Variants in ITK observed in about 807,000 individuals in gnomAD.
ITK encodes the protein IL2 inducible T cell kinase.
A neutral mutation model predicts 87.6 loss-of-function variants in ITK; 45 were observed. The observed-to-expected ratio is 0.51, with a 90% CI of 0.40 to 0.66. The LOEUF (loss-of-function observed/expected upper bound fraction) is 0.66. Among genes scored for constraint, ITK ranks in the 30% least tolerant of loss-of-function variants. The probability of loss-of-function intolerance (pLI) is 0.00; values close to 1 mark genes in which losing one functional copy is unlikely to be tolerated. For missense variants in ITK, 605 were observed against 766.3 expected (o/e 0.79, Z 2.48); for synonymous variants, 303 against 273.6 (o/e 1.11, Z -1.06).
intron 1 of ITK, among the ~76,000 whole-genome samples, chr5:157,183,966 T>C (rs769783527): frequency 6.6e-6 from 1 of 152,232 alleles, no homozygotes; most frequent in African/African-American, 2.4e-5. Context: ...GGTTTTACTT[T>C]AACATGGTTT....
In ITK at chr5:157,248,979, A is replaced by G; in HGVS notation, c.1763A>G (p.Tyr588Cys). ...YKPRLASTHV[Y>C]QIMNHCWKER... ...CCCCGGCTGGCCTCCACACACGTCT[A>G]CCAGATTATGAATCACTGCTGGAAA... The change falls in exon 16 of 17, where the codon TAC becomes TGC. Residue 588 changes from tyrosine (Y) to cysteine (C), a missense_variant. Coordinates refer to ENST00000422843, the MANE Select transcript of ITK (RefSeq NM_005546.4). The G allele has an allele frequency of 1.2e-6, 2 of 1,613,960 alleles. No individual in the cohort carries two copies.
At chr5:157,238,055 C>T in intron 8 of ITK, 54 bp from the exon 9 acceptor site, 10 of 1,325,156 alleles carry the variant, frequency 7.5e-6, no homozygotes, top group Non-Finnish European at 1.1e-5. Flanking sequence ...GAGCTGGAGG[C>T]ATAAGCCTGG....
chr5:157,241,688 A>G lies in ITK; in HGVS notation c.1028A>G (p.Gln343Arg). 6.2e-7 allele frequency: 1 copy of G among 1,614,030 alleles called. No homozygotes were observed. Among genetic ancestry groups the G allele is most frequent in the Non-Finnish European group, 8.5e-7 (1 of 1,179,898 alleles). The change falls in exon 11 of 17, where the codon CAG becomes CGG. Residue 343 changes from glutamine to arginine, a missense_variant. Gln to Arg is a conservative substitution (Grantham distance 43). This residue lies in a region of ITK where 464 missense variants were observed against 578.0 expected (regional missense o/e 0.80). Transcript: ENST00000422843. Reference protein sequence around the residue: ...RLRYPVCFGRQKAPVTAGLRY... With the variant: ...RLRYPVCFGRRKAPVTAGLRY... ...CGGTATCCAGTTTGTTTTGGGAGGC[A>G]GAAAGCCCCAGTTACAGCAGGGCTG... is the stretch of plus-strand genomic sequence containing the variant.
In ITK at chr5:157,222,950, A is replaced by C. The variant is rs908186279; in HGVS notation, c.583A>C (p.Asn195His). 1.9e-6 allele frequency: 3 copies of C among 1,614,126 alleles called. No individual in the cohort carries two copies. The highest frequency in any genetic ancestry group is 2.7e-5 in the African/African-American group (2 of 75,024). ...NDPQELALRRNEEYCLLDSSE... is the reference protein window; with the variant it reads ...NDPQELALRRHEEYCLLDSSE... The stretch of plus-strand genomic sequence containing the variant: ...TCCTCAGGAACTCGCACTGCGGCGC[A>C]ACGAAGAGTACTGCCTGCTGGACAG... Residue 195 changes from asparagine to histidine, a missense_variant, in exon 6 of 17, where the codon AAC becomes CAC. Coordinates refer to ENST00000422843, the MANE Select transcript of ITK (RefSeq NM_005546.4).
Position 157,232,355 on chromosome 5 carries a change from T to C in ITK, c.729T>C (p.Ser243=), listed in dbSNP as rs370562609. The change falls in exon 8 of 17, where the codon AGT becomes AGC. Residue 243 remains serine, a synonymous_variant. Transcript: ENST00000422843. The stretch of plus-strand genomic sequence containing the variant: ...TTGCTTTCAGGTGGTACAATAAGAG[T>C]ATCAGCCGAGACAAAGCTGAAAAAC... ...NLETYEWYNK[S]ISRDKAEKLL... 2.5e-6 allele frequency: 4 copies of C among 1,610,912 alleles called. No individual in the cohort carries two copies. The highest frequency in any genetic ancestry group is 3.4e-6 in the Non-Finnish European group (4 of 1,177,500).
intron 8 of ITK, among the ~76,000 whole-genome samples, chr5:157,237,446 C>A (rs1754799247): frequency 6.6e-6 from 1 of 152,222 alleles, no homozygotes; most frequent in Admixed American, 6.5e-5. Context: ...CACTATCTAG[C>A]AAATGGGTTC....
At chr5:157,228,467 A>C in intron 7 of ITK, 106 bp downstream of exon 7, 1 of 732,668 alleles carries the variant, frequency 1.4e-6, no homozygotes, top group Non-Finnish European at 2.5e-6. Context: ...TCCCTACTGC[A>C]ACAGCAATGT....
At chr5:157,228,699 A>G (rs1321553791) in intron 7 of ITK, among the ~76,000 whole-genome samples, 1 of 150,840 alleles carries the variant, frequency 6.6e-6, no homozygotes, top group Non-Finnish European at 1.5e-5. Context: ...CAATAGTGTG[A>G]TCTCGGCTCA....
chr5:157,255,071 C>T lies in ITK; in HGVS notation c.*2393C>T, dbSNP rs1310542232. 1 of 197,194 alleles carries T rather than the reference C, an allele frequency of 5.1e-6. No individual in the cohort carries two copies. Among genetic ancestry groups the T allele is most frequent in the East Asian group, 7.9e-5 (1 of 12,700 alleles). The allele number at this position is 197,194 out of a possible 1,614,324, so 12.2% of individuals were successfully genotyped here. On this transcript the variant is annotated 3_prime_UTR_variant, in exon 17 of 17. Coordinates refer to ENST00000422843, the MANE Select transcript of ITK (RefSeq NM_005546.4). ...CATATTTATTAATGTACAGTCACTG[C>T]TAGTGTTCAAAATAAAAATGTTACA...
At chr5:157,231,123 TA>T (rs1754643909) in intron 7 of ITK, among the ~76,000 whole-genome samples, 1 of 152,222 alleles carries the variant, frequency 6.6e-6, no homozygotes, top group African/African-American at 2.4e-5. Context: ...CATGGGTTGG[TA>T]AATTGAATGG....
intron 15 of ITK, 43 bp downstream of exon 15, chr5:157,246,042 C>A: frequency 7.6e-7 from 1 of 1,316,058 alleles, no homozygotes; most frequent in African/African-American, 1.4e-5. Context: ...ATCTGGGCTT[C>A]AGGCCAGCTG....
At chr5:157,246,840 C>CA (rs1755028714) in intron 15 of ITK, among the ~76,000 whole-genome samples, 1 of 152,140 alleles carries the variant, frequency 6.6e-6, no homozygotes, top group South Asian at 2.1e-4. Context: ...GGGAGAACAA[C>CA]AGGCAATGAA....
chr5:157,225,712 T>C (rs1053650829), intron 6 of ITK, among the ~76,000 whole-genome samples: 3 of 152,176 alleles, frequency 2.0e-5, no homozygotes, highest in Non-Finnish European at 2.9e-5. Context: ...CCCTTTCTAG[T>C]TGATTCATGA....
chr5:157,233,756 G>C (rs899040530), intron 8 of ITK, among the ~76,000 whole-genome samples: 1 of 151,470 alleles, frequency 6.6e-6, no homozygotes, highest in Non-Finnish European at 1.5e-5. Context: ...GTTTAAACAA[G>C]TATAGTTTTG....
intron 1 of ITK, among the ~76,000 whole-genome samples, chr5:157,207,763 T>C (rs370411567): frequency 1.3e-5 from 2 of 152,140 alleles, no homozygotes; most frequent in East Asian, 1.9e-4. Flanking sequence ...CCCATACATA[T>C]CTTAAACCAC....
At chr5:157,211,077 G>A (rs905097710) in intron 2 of ITK, among the ~76,000 whole-genome samples, 2 of 152,052 alleles carry the variant, frequency 1.3e-5, no homozygotes, top group African/African-American at 4.8e-5. Flanking sequence ...TTGGGGCATG[G>A]AATCTGAGAC....
At chr5:157,231,167 A>T (rs145598986) in intron 7 of ITK, among the ~76,000 whole-genome samples, 1 of 152,134 alleles carries the variant, frequency 6.6e-6, no homozygotes, top group Non-Finnish European at 1.5e-5. Context: ...TGCAGCCATG[A>T]CCTTGGGCAA....
Position 157,244,055 on chromosome 5 carries a change from T to C in ITK, c.1233-207T>C, listed in dbSNP as rs543851615. ...ACATGCCAGCCACACTGGCCTCTGCTCATCTTCACACACACAGCTGACTCC... is the reference window on the plus strand; with the variant it reads ...ACATGCCAGCCACACTGGCCTCTGCCCATCTTCACACACACAGCTGACTCC... On this transcript the variant is annotated intron_variant, in intron 12 of 16. Transcript: ENST00000422843. 5.7e-4 allele frequency: 384 copies of C among 675,364 alleles called. 3 individuals are homozygous for C. The highest frequency in any genetic ancestry group is 3.5e-3 in the Middle Eastern group (9 of 2,536). The allele number at this position is 675,364 out of a possible 1,614,324, so 41.8% of individuals were successfully genotyped here.
At chr5:157,182,054 T>A (rs1753542942) in intron 1 of ITK, among the ~76,000 whole-genome samples, 1 of 152,228 alleles carries the variant, frequency 6.6e-6, no homozygotes, top group Non-Finnish European at 1.5e-5. Flanking sequence ...CCCTTTCTTC[T>A]TCAAAACTTC....
Sources: allele counts gnomAD v4.1 joint callset (sites outside exome capture counted in the v4.1 genomes callset), GRCh38; gene constraint gnomAD v4.1.1; regional missense constraint gnomAD v4.1.1; transcripts MANE v1.5; gene names NCBI Gene and HGNC (gene_info 2026-07-23, HGNC 2026-07-21).